Variants in TMEM164 observed in about 807,000 individuals in gnomAD.
TMEM164 encodes the protein RP13-360B22.2.
In TMEM164, 4 loss-of-function variants were observed where a neutral mutation model predicts 18.8. The observed-to-expected ratio is 0.21, with a 90% confidence interval of 0.10 to 0.49. The LOEUF (loss-of-function observed/expected upper bound fraction) is 0.49. Ranked by LOEUF, TMEM164 falls within the 20% of genes least tolerant of loss-of-function variation. The pLI, the probability that TMEM164 is intolerant of heterozygous loss-of-function variation, is 0.98. For missense variants in TMEM164, 108 were observed against 239.9 expected (o/e 0.45, Z 3.63); for synonymous variants, 86 against 101.7 (o/e 0.85, Z 0.93).
At chrX:110,085,889 A>T (rs1006853752) in intron 3 of TMEM164, among the ~76,000 whole-genome samples, 1 of 111,947 alleles carries the variant, frequency 8.9e-6, no homozygotes, top group East Asian at 2.8e-4. Context: ...AATGTAGACC[A>T]GTTTTGAGAA....
At chrX:110,015,584 C>T (rs764579422) in intron 2 of TMEM164, among the ~76,000 whole-genome samples, 66 of 108,317 alleles carry the variant, frequency 6.1e-4, no homozygotes, top group Non-Finnish European at 9.2e-4. Context: ...TGTGTGTGCG[C>T]GCCTGTCACT....
At chrX:110,015,239 T>C (rs1010524782) in intron 2 of TMEM164, among the ~76,000 whole-genome samples, 1 of 111,306 alleles carries the variant, frequency 9.0e-6, no homozygotes, top group African/African-American at 3.3e-5. Context: ...GCCAAGGCCA[T>C]TGGAAGGCCT....
At chrX:110,152,905 G>A (rs889195037) in intron 5 of TMEM164, among the ~76,000 whole-genome samples, 4 of 111,356 alleles carry the variant, frequency 3.6e-5, no homozygotes, top group African/African-American at 1.3e-4. Context: ...GAAGCTTTCA[G>A]TGGCCCCCCA....
In TMEM164 at chrX:110,021,044, A is replaced by G. The variant is rs1460736299; in HGVS notation, c.390+16880A>G. Reference sequence around the variant, plus strand: ...GCATGTTTATGAGCACATTTTAAAAATCTGGAAGAATGTATACTAAATAGC... The same window carrying G: ...GCATGTTTATGAGCACATTTTAAAAGTCTGGAAGAATGTATACTAAATAGC... On this transcript the variant is annotated intron_variant, in intron 2 of 6. Transcript: ENST00000372068. Among the ~76,000 whole-genome samples, 4 of 108,258 alleles carry G rather than the reference A, an allele frequency of 3.7e-5. No homozygotes were observed. The East Asian group carries it at 1.2e-3, about 32-fold the overall frequency. 94.0% of individuals were successfully genotyped at this position (108,258 alleles called of 115,157 possible).
intron 2 of TMEM164, among the ~76,000 whole-genome samples, chrX:110,064,840 TA>T (rs1398931473): frequency 2.8e-5 from 3 of 106,965 alleles, no homozygotes; most frequent in Non-Finnish European, 5.8e-5. Flanking sequence ...AAATAAAAAA[TA>T]AAAAAATTAG....
intron 2 of TMEM164, 142 bp downstream of exon 2, chrX:110,004,306 G>A (rs1001261102): frequency 2.6e-6 from 2 of 767,740 alleles, no homozygotes; most frequent in Non-Finnish European, 1.8e-6. Context: ...CTGCCTTTGT[G>A]CCGATTTCAG....
At chrX:110,037,636 C>T (rs1403897031) in intron 2 of TMEM164, among the ~76,000 whole-genome samples, 1 of 111,622 alleles carries the variant, frequency 9.0e-6, no homozygotes, top group Non-Finnish European at 1.9e-5. Flanking sequence ...GCAAAATTGC[C>T]ATCTGTGACC....
At chrX:110,016,248 C>A (rs766713256) in intron 2 of TMEM164, among the ~76,000 whole-genome samples, 4 of 112,556 alleles carry the variant, frequency 3.6e-5, no homozygotes, top group Non-Finnish European at 5.6e-5. Flanking sequence ...TTTTTTCATC[C>A]CCCTTTTCCA....
At chrX:110,051,935 A>G (rs1339945642) in intron 2 of TMEM164, among the ~76,000 whole-genome samples, 1 of 112,516 alleles carries the variant, frequency 8.9e-6, no homozygotes, top group Non-Finnish European at 1.9e-5. Context: ...TTATAGGAAT[A>G]TGACACATAG....
intron 2 of TMEM164, among the ~76,000 whole-genome samples, chrX:110,014,032 A>G (rs2147686254): frequency 8.9e-6 from 1 of 111,973 alleles, no homozygotes; most frequent in Admixed American, 9.5e-5. Flanking sequence ...TGATATGATC[A>G]AACTTGAACA....
intron 2 of TMEM164, among the ~76,000 whole-genome samples, chrX:110,025,766 G>A (rs1189296603): frequency 2.7e-5 from 3 of 111,846 alleles, no homozygotes; most frequent in Non-Finnish European, 5.6e-5. Context: ...TCTGGTCTCA[G>A]TAAGAAGGAG....
intron 2 of TMEM164, among the ~76,000 whole-genome samples, chrX:110,051,760 G>A (rs1359478985): frequency 4.5e-5 from 5 of 111,932 alleles, no homozygotes; most frequent in African/African-American, 9.7e-5. Flanking sequence ...TTTGGACAGC[G>A]CATTCCAGGT....
intron 2 of TMEM164, among the ~76,000 whole-genome samples, chrX:110,053,587 G>A (rs1477164850): frequency 8.9e-6 from 1 of 111,771 alleles, no homozygotes; most frequent in East Asian, 2.8e-4. Flanking sequence ...TTCATTGGTG[G>A]TGGAGCACTG....
chrX:110,071,716 C>T (rs868538864), intron 3 of TMEM164, among the ~76,000 whole-genome samples: 2 of 43,378 alleles, frequency 4.6e-5, no homozygotes, highest in African/African-American at 2.1e-4. Context: ...TTTGTCTCTA[C>T]AAAAAAAAAA....
chrX:110,076,175 G>T (rs1290348670), intron 3 of TMEM164, among the ~76,000 whole-genome samples: 1 of 109,832 alleles, frequency 9.1e-6, no homozygotes, highest in Non-Finnish European at 1.9e-5. Context: ...TTTGCCCAAG[G>T]TTTTAGTTTC....
intron 3 of TMEM164, among the ~76,000 whole-genome samples, chrX:110,108,400 G>C (rs2066243560): frequency 9.0e-6 from 1 of 111,216 alleles, no homozygotes. Context: ...TAACAAGTCT[G>C]GCATTGGGAT....
intron 3 of TMEM164, among the ~76,000 whole-genome samples, chrX:110,072,601 A>G (rs946422933): frequency 1.8e-5 from 2 of 110,935 alleles, no homozygotes; most frequent in Non-Finnish European, 3.8e-5. Context: ...CTTGGACTTG[A>G]TCTTGTCTGT....
intron 3 of TMEM164, among the ~76,000 whole-genome samples, chrX:110,071,411 T>C (rs1025274148): frequency 9.1e-6 from 1 of 110,475 alleles, no homozygotes; most frequent in Non-Finnish European, 1.9e-5. Flanking sequence ...ATAAATTACA[T>C]TGATAGATTT....
chrX:110,051,217 G>A (rs1449876920), intron 2 of TMEM164, among the ~76,000 whole-genome samples: 2 of 111,776 alleles, frequency 1.8e-5, no homozygotes, highest in African/African-American at 6.5e-5. Flanking sequence ...ACAGTGACTT[G>A]TAAACCCGGC....
Sources: allele counts gnomAD v4.1 joint callset (sites outside exome capture counted in the v4.1 genomes callset), GRCh38; gene constraint gnomAD v4.1.1; transcripts MANE v1.5; gene names NCBI Gene and HGNC (gene_info 2026-07-23, HGNC 2026-07-21).